The following IARS2 variants were observed in gnomAD, a reference collection of about 807,000 sequenced individuals.
IARS2 encodes isoleucyl-tRNA synthetase 2, mitochondrial, also known as isoleucine--tRNA ligase, mitochondrial.
IARS2 carries 56 observed loss-of-function variants against 126.3 expected under a neutral mutation model. That is an observed-to-expected ratio of 0.44 (90% confidence interval 0.36 to 0.55). IARS2 has a LOEUF of 0.55. Among genes scored for constraint, IARS2 ranks in the 20% least tolerant of loss-of-function variants. The probability of loss-of-function intolerance (pLI) is 0.00; values close to 1 mark genes in which losing one functional copy is unlikely to be tolerated. For synonymous variants in IARS2, 407 were observed against 441.1 expected, an observed-to-expected ratio of 0.92 and a Z score of 0.97; for missense variants, 1,127 against 1,245.9, an observed-to-expected ratio of 0.90 and a Z score of 1.44.
At chr1:220,138,620 A>G (rs1328817080) in intron 17 of IARS2, among the ~76,000 whole-genome samples, 1 of 151,782 alleles carries the variant, frequency 6.6e-6, no homozygotes, top group Non-Finnish European at 1.5e-5. Context: ...TTAATTTTGT[A>G]TACTTTTATG....
intron 18 of IARS2, 107 bp from the exon 19 acceptor site, chr1:220,140,076 T>A (rs1316023489): frequency 1.2e-5 from 8 of 694,772 alleles, no homozygotes; most frequent in Non-Finnish European, 2.1e-5. Flanking sequence ...TGTTTTGTAT[T>A]TGTCTCATTG....
intron 12 of IARS2, among the ~76,000 whole-genome samples, chr1:220,115,192 T>C (rs1656889457): frequency 6.6e-6 from 1 of 152,256 alleles, no homozygotes; most frequent in Non-Finnish European, 1.5e-5. Context: ...TTTCACTTTA[T>C]GTGTTATGAT....
At chr1:220,119,390 G>A (rs988200691) in intron 12 of IARS2, among the ~76,000 whole-genome samples, 4 of 152,022 alleles carry the variant, frequency 2.6e-5, no homozygotes, top group African/African-American at 9.7e-5. Context: ...ATCAGCAGTC[G>A]TTTATACTGA....
At position 220,114,409 on chromosome 1, in the gene IARS2, A is replaced by G; in HGVS notation, c.1575A>G (p.Gln525=). 6.2e-7 allele frequency: 1 copy of G among 1,613,982 alleles called. No homozygotes were observed. ...GGCCATATTGGTGTATATCAAGGCA[A>G]AGAGTTTGGGGTGTTCCAATTCCTG... ...DRRPYWCISR[Q]RVWGVPIPVF... Residue 525 remains glutamine (Q), a synonymous_variant, in exon 12 of 23, where the codon CAA becomes CAG. Transcript: ENST00000366922.
In IARS2 at chr1:220,138,036, T is replaced by C. The variant is rs1304002594; in HGVS notation, c.2168T>C (p.Ile723Thr). 3 of 1,614,100 alleles carry C rather than the reference T, an allele frequency of 1.9e-6. No individual in the cohort carries two copies. Among genetic ancestry groups the C allele is most frequent in the Admixed American group, 1.7e-5 (1 of 60,016 alleles). ...PSVLNAARDDISKLRNTLRFL... is the reference protein window; with the variant it reads ...PSVLNAARDDTSKLRNTLRFL... Reference sequence around the variant, plus strand: ...GTGCTCAATGCTGCCAGAGATGATATTAGCAAGGTTAGAACTATTATTCTT... The same window carrying C: ...GTGCTCAATGCTGCCAGAGATGATACTAGCAAGGTTAGAACTATTATTCTT... The change falls in exon 17 of 23, where the codon ATT (isoleucine) becomes ACT (threonine). Residue 723 changes from isoleucine (I) to threonine (T), a missense_variant. Ile to Thr is a moderately conservative substitution (Grantham distance 89, BLOSUM62 -1). Transcript: ENST00000366922.
chr1:220,109,423 G>C (rs1196815962), intron 10 of IARS2, among the ~76,000 whole-genome samples: 1 of 151,364 alleles, frequency 6.6e-6, no homozygotes, highest in African/African-American at 2.4e-5. Flanking sequence ...AAATCTGCCA[G>C]CTCACAGACT....
At chr1:220,123,030 C>A (rs1330748363) in intron 12 of IARS2, among the ~76,000 whole-genome samples, 1 of 149,968 alleles carries the variant, frequency 6.7e-6, no homozygotes, top group East Asian at 1.9e-4. Flanking sequence ...TGTAATTGTG[C>A]GTATGTGTCC....
In IARS2 at chr1:220,100,625, T is replaced by C. The variant is rs1370909726; in HGVS notation, c.526T>C (p.Ser176Pro). The C allele has an allele frequency of 6.2e-7, 1 of 1,610,030 alleles. No homozygotes were observed. The highest frequency in any genetic ancestry group is 2.2e-5 in the East Asian group (1 of 44,736). ...ACTTGGTAGAGAAGCTCAGAATCTT[T>C]CAGCTATGGAAATTAGAAAGAAAGG... is the stretch of plus-strand genomic sequence containing the variant. Reference protein sequence around the residue: ...SELGREAQNLSAMEIRKKARS... With the variant: ...SELGREAQNLPAMEIRKKARS... The change falls in exon 3 of 23, where the codon TCA becomes CCA. Residue 176 changes from serine to proline, a missense_variant. Coordinates refer to ENST00000366922, the MANE Select transcript of IARS2 (RefSeq NM_018060.4).
intron 12 of IARS2, among the ~76,000 whole-genome samples, chr1:220,124,612 T>C (rs1487935954): frequency 1.3e-5 from 2 of 152,206 alleles, no homozygotes; most frequent in African/African-American, 4.8e-5. Context: ...CATGGTCATA[T>C]AAATACAAAG....
chr1:220,123,089 TG>T (rs1657080366), intron 12 of IARS2, among the ~76,000 whole-genome samples: 1 of 151,884 alleles, frequency 6.6e-6, no homozygotes, highest in Non-Finnish European at 1.5e-5. Context: ...GTAATCTTTT[TG>T]TTTTTTTTTT....
intron 21 of IARS2, 106 bp from the exon 22 acceptor site, chr1:220,145,403 C>T: frequency 2.1e-6 from 2 of 971,696 alleles, no homozygotes; most frequent in East Asian, 2.6e-5. Context: ...AATGGTATAC[C>T]AGAAGGTTCC....
At chr1:220,141,643 G>A (rs1366104895) in intron 19 of IARS2, among the ~76,000 whole-genome samples, 160 bp from the exon 20 acceptor site, 1 of 152,170 alleles carries the variant, frequency 6.6e-6, no homozygotes, top group South Asian at 2.1e-4. Flanking sequence ...ACACCTGGAC[G>A]GAGTAAAATT....
At position 220,131,455 on chromosome 1, in the gene IARS2, G is replaced by A. The variant is rs181451862; in HGVS notation, c.1838-2947G>A. On this transcript the variant is annotated intron_variant, in intron 14 of 22. Coordinates refer to ENST00000366922, the MANE Select transcript of IARS2 (RefSeq NM_018060.4). ...CAACCTCCACCTCTCGGGTTCAAGC[G>A]ATTCTCCTGCCTCAGCTTCCCAAGT... Among the ~76,000 whole-genome samples the A allele has an allele frequency of 8.5e-4, 129 of 151,966 alleles. 1 individual carries two copies. Among genetic ancestry groups the A allele is most frequent in the South Asian group, 4.8e-3 (23 of 4,806 alleles).
rs1657539864 is a variant in IARS2, at chr1:220,144,095, G to C, written c.2751+961G>C. On this transcript the variant is annotated intron_variant, in intron 21 of 22. Transcript: ENST00000366922. Reference sequence around the variant, plus strand: ...AGCAGATTATTTTGCCATTTTTCTAGATCTTTGCTTTGCACATCAAATCTG... The same window carrying C: ...AGCAGATTATTTTGCCATTTTTCTACATCTTTGCTTTGCACATCAAATCTG... 8 of 1,012,232 alleles carry C rather than the reference G, an allele frequency of 7.9e-6. No homozygotes were observed. In the South Asian group the frequency reaches 1.0e-4, roughly 13 times the overall value. The allele number at this position is 1,012,232 out of a possible 1,614,324, so 62.7% of individuals were successfully genotyped here. A position where few individuals can be genotyped will look rare whatever the true frequency, so the allele number is the denominator to read the frequency against.
At chr1:220,128,714 A>G (rs1019133309) in intron 14 of IARS2, among the ~76,000 whole-genome samples, 2 of 152,180 alleles carry the variant, frequency 1.3e-5, no homozygotes, top group Non-Finnish European at 2.9e-5. Context: ...AGTGTATTTC[A>G]AAGTGTATTC....
At chr1:220,111,572 A>G (rs1656800612) in intron 11 of IARS2, among the ~76,000 whole-genome samples, 1 of 140,350 alleles carries the variant, frequency 7.1e-6, no homozygotes, top group African/African-American at 2.7e-5. Context: ...ATCTTTCTAT[A>G]TGGGTATATA....
Position 220,136,879 on chromosome 1 carries a change from A to G in IARS2, c.2017A>G (p.Ile673Val), listed in dbSNP as rs777839264. ...EKMSKSLGNV[I>V]HPDVVVNGGQ... ...GATGTCCAAGTCTCTTGGGAATGTC[A>G]TTCATCCTGATGTTGTCGTTAATGG... The change falls in exon 16 of 23, where the codon ATT becomes GTT. Residue 673 changes from isoleucine to valine, a missense_variant. By Grantham distance (29) the Ile-to-Val change is conservative (BLOSUM62 3). Transcript: ENST00000366922. The G allele has an allele frequency of 7.5e-6, 12 of 1,610,114 alleles. No individual in the cohort carries two copies. In the Admixed American group the frequency reaches 1.5e-4, roughly 20 times the overall value.
chr1:220,099,109 G>A (rs748997802), intron 2 of IARS2, among the ~76,000 whole-genome samples: 2 of 151,810 alleles, frequency 1.3e-5, no homozygotes, highest in African/African-American at 4.8e-5. Context: ...CTACTTAGGA[G>A]GCTGAGGCAG....
intron 12 of IARS2, chr1:220,118,222 G>T (rs1209543493): frequency 2.0e-6 from 1 of 496,664 alleles, no homozygotes; most frequent in South Asian, 1.5e-5. Flanking sequence ...TGGAGTTGCT[G>T]TTACACTTGA....
Sources: gnomAD v4.1 joint callset for allele counts (sites outside exome capture counted in the v4.1 genomes callset) on GRCh38, gnomAD v4.1.1 for gene constraint, MANE v1.5 for transcripts, NCBI Gene and HGNC (gene_info 2026-07-23, HGNC 2026-07-21) for gene names.